The following SMOC2 variants were observed in gnomAD, a reference collection of about 807,000 sequenced individuals.
The protein encoded by SMOC2 is SPARC related modular calcium binding 2.
In SMOC2, 39 loss-of-function variants were observed where a neutral mutation model predicts 61.4. That is an observed-to-expected ratio of 0.64 (90% CI 0.49 to 0.83). The LOEUF (loss-of-function observed/expected upper bound fraction) is 0.83, where lower values mean the gene tolerates loss of function less well. Ranked by LOEUF, SMOC2 falls within the 40% of genes least tolerant of loss-of-function variation. SMOC2 has a pLI of 0.00. For missense variants in SMOC2, 556 were observed against 592.9 expected, an observed-to-expected ratio of 0.94 and a Z score of 0.65; for synonymous variants, 247 against 239.9, an observed-to-expected ratio of 1.03 and a Z score of -0.27.
In SMOC2 at chr6:168,515,584, G is replaced by C. The variant is rs1212226162; in HGVS notation, c.256+5498G>C. 8.1e-4 allele frequency among the ~76,000 whole-genome samples: 7 copies of C among 8,650 alleles called. No individual in the cohort carries two copies. The South Asian group carries it at 0.051, about 63-fold the overall frequency. 5.7% of individuals were successfully genotyped at this position (8,650 alleles called of 152,430 possible). Reference sequence around the variant, plus strand: ...CAGCCTCGCACCTGCATCCTGGCTCGTGGCGGAAGACGGGCCTTGCCCTGA... The same window carrying C: ...CAGCCTCGCACCTGCATCCTGGCTCCTGGCGGAAGACGGGCCTTGCCCTGA... On this transcript the variant is annotated intron_variant, in intron 2 of 12. Transcript: ENST00000356284.
At chr6:168,478,568 C>T (rs963159819) in intron 1 of SMOC2, among the ~76,000 whole-genome samples, 3 of 152,192 alleles carry the variant, frequency 2.0e-5, no homozygotes, top group South Asian at 4.1e-4. Context: ...GTGAGGTTGA[C>T]AAGTAAGGGG....
At chr6:168,467,300 C>T (rs931253272) in intron 1 of SMOC2, among the ~76,000 whole-genome samples, 1 of 141,294 alleles carries the variant, frequency 7.1e-6, no homozygotes, top group African/African-American at 2.9e-5. Context: ...CACCACCACA[C>T]CCTGCTAAGG....
intron 4 of SMOC2, among the ~76,000 whole-genome samples, chr6:168,531,558 G>C (rs569778584): frequency 1.1e-4 from 16 of 152,282 alleles, no homozygotes; most frequent in Middle Eastern, 3.4e-3. Flanking sequence ...GAAAGACCCA[G>C]GGGGGATTTG....
In SMOC2 at chr6:168,540,779, C is replaced by A. The variant is rs568185398; in HGVS notation, c.464-2846C>A. On this transcript the variant is annotated intron_variant, in intron 4 of 12. Coordinates refer to ENST00000356284, the MANE Select transcript of SMOC2 (RefSeq NM_001166412.2). ...TCCCTTTTCTTTTTCTCTCGCCTCC[C>A]TCATCTGATGCTGTAAACCTGCCCC... Among the ~76,000 whole-genome samples the A allele has an allele frequency of 1.5e-3, 231 of 152,268 alleles. 10 individuals carry two copies. Among genetic ancestry groups the A allele is most frequent in the Admixed American group, 1.5e-3 (23 of 15,296 alleles).
At chr6:168,508,245 A>C (rs968367070) in intron 1 of SMOC2, among the ~76,000 whole-genome samples, 3 of 152,146 alleles carry the variant, frequency 2.0e-5, no homozygotes, top group Non-Finnish European at 4.4e-5. Context: ...AAAGTTGATA[A>C]ATTTCCATTA....
At chr6:168,641,054 T>C (rs1375946473) in intron 9 of SMOC2, among the ~76,000 whole-genome samples, 1 of 98,286 alleles carries the variant, frequency 1.0e-5, no homozygotes, top group Non-Finnish European at 2.5e-5. Context: ...GTTCCAAACT[T>C]TTTTTTTCAG....
At chr6:168,460,188 T>G (rs1195050467) in intron 1 of SMOC2, among the ~76,000 whole-genome samples, 2 of 152,212 alleles carry the variant, frequency 1.3e-5, no homozygotes, top group Non-Finnish European at 2.9e-5. Context: ...TTAAGACCTA[T>G]GTATTTAAAT....
At chr6:168,610,956 A>G (rs372068806) in intron 9 of SMOC2, among the ~76,000 whole-genome samples, 38,613 of 151,350 alleles carry the variant, frequency 0.26, 5,033 homozygotes, top group Non-Finnish European at 0.27. Flanking sequence ...CCTAAACCAG[A>G]TCTTCTTAAA....
chr6:168,622,519 T>C (rs1786273035), intron 9 of SMOC2, among the ~76,000 whole-genome samples: 1 of 152,074 alleles, frequency 6.6e-6, no homozygotes. Flanking sequence ...TCTTTATTGT[T>C]TAGAGCCCTG....
chr6:168,443,597 G>GAGTTACAA lies in SMOC2; in HGVS notation c.84+2147_84+2154dup, dbSNP rs796780288. On this transcript the variant is annotated intron_variant, in intron 1 of 12. Coordinates refer to ENST00000356284, the MANE Select transcript of SMOC2 (RefSeq NM_001166412.2). ...CAGTCTAGAAAATCAAGAAGTAGTT[G>GAGTTACAA]AGTTACAAAGTAACTGAGGCAGGCC... Among the ~76,000 whole-genome samples the GAGTTACAA allele has an allele frequency of 9.2e-5, 14 of 152,342 alleles. 1 individual carries two copies. The South Asian group carries it at 2.9e-3, about 32-fold the overall frequency.
intron 2 of SMOC2, among the ~76,000 whole-genome samples, chr6:168,515,598 G>GCCACGCCCTGAGGGGCCGGCT (rs1783111982): frequency 1.3e-5 from 2 of 152,226 alleles, no homozygotes; most frequent in African/African-American, 4.8e-5. Flanking sequence ...CGGAAGACGG[G>GCCACGCCCTGAGGGGCCGGCT]CCTTGCCCTG....
Position 168,546,566 on chromosome 6 carries a change from C to G in SMOC2, c.512-553C>G, listed in dbSNP as rs1275359388. ...CGCCCTGTCCCCTCCACCCCGTGCC[C>G]CACTCACATCCTTACTTAGATTATG... is the stretch of plus-strand genomic sequence containing the variant. On this transcript the variant is annotated intron_variant, in intron 5 of 12. Transcript: ENST00000356284. Among the ~76,000 whole-genome samples, 3 of 152,186 alleles carry G rather than the reference C, an allele frequency of 2.0e-5. No homozygotes were observed. The East Asian group carries it at 5.8e-4, about 29-fold the overall frequency.
At chr6:168,466,446 G>A (rs11756108) in intron 1 of SMOC2, among the ~76,000 whole-genome samples, 4 of 152,190 alleles carry the variant, frequency 2.6e-5, no homozygotes, top group African/African-American at 9.7e-5. Context: ...GGGCAGATCA[G>A]CCGCTTCTGT....
chr6:168,526,124 C>T (rs1783446762), intron 2 of SMOC2, among the ~76,000 whole-genome samples: 1 of 152,260 alleles, frequency 6.6e-6, no homozygotes, highest in Admixed American at 6.5e-5. Context: ...CTTCCCGCCC[C>T]TGGGCCTCGC....
intron 8 of SMOC2, among the ~76,000 whole-genome samples, chr6:168,605,175 C>T (rs1185919075): frequency 6.6e-6 from 1 of 152,200 alleles, no homozygotes; most frequent in African/African-American, 2.4e-5. Context: ...AAGCCTTTGT[C>T]TGTCTGCCAT....
Position 168,567,965 on chromosome 6 carries a change from G to A in SMOC2, c.637+18762G>A, listed in dbSNP as rs555295745. Among the ~76,000 whole-genome samples, 25 of 151,348 alleles carry A rather than the reference G, an allele frequency of 1.7e-4. No individual in the cohort carries two copies. In the South Asian group the frequency reaches 5.0e-3, roughly 30 times the overall value. On this transcript the variant is annotated intron_variant, in intron 7 of 12. Transcript: ENST00000356284. ...AATTTAGTGCATCTTCTCTTCAGAT[G>A]AGCAGACACAGGCGAAGACCGGATG...
At chr6:168,615,362 C>T (rs1786047831) in intron 9 of SMOC2, among the ~76,000 whole-genome samples, 1 of 73,180 alleles carries the variant, frequency 1.4e-5, no homozygotes, top group Non-Finnish European at 2.8e-5. Flanking sequence ...CACCTACAGC[C>T]AGCACAGGGG....
At chr6:168,526,232 C>G in intron 2 of SMOC2, 114 bp from the exon 3 acceptor site, 1 of 900,934 alleles carries the variant, frequency 1.1e-6, no homozygotes, top group Admixed American at 2.1e-5. Flanking sequence ...TTTCCAGCCT[C>G]CAGGTCCTCA....
At chr6:168,518,568 T>A (rs941207752) in intron 2 of SMOC2, among the ~76,000 whole-genome samples, 4 of 149,994 alleles carry the variant, frequency 2.7e-5, no homozygotes, top group African/African-American at 9.9e-5. Flanking sequence ...AGTGCATGTA[T>A]GTGACAATGC....
Sources: gnomAD v4.1 joint callset for allele counts (sites outside exome capture counted in the v4.1 genomes callset) on GRCh38, gnomAD v4.1.1 for gene constraint, MANE v1.5 for transcripts, NCBI Gene and HGNC (gene_info 2026-07-23, HGNC 2026-07-21) for gene names.